The following TNIK variants were observed in gnomAD, a reference collection of about 807,000 sequenced individuals.
TNIK encodes the protein TRAF2 and NCK interacting kinase, also known as TRAF2 and NCK-interacting protein kinase.
A neutral mutation model predicts 191.3 loss-of-function variants in TNIK; 49 were observed. The ratio of observed to expected loss-of-function variants is 0.26; its 90% CI spans 0.20 to 0.32. TNIK has a LOEUF of 0.32. Ranked by LOEUF, TNIK falls within the 10% of genes least tolerant of loss-of-function variation. The pLI is 1.00. For missense variants in TNIK, 1,155 were observed against 1,702.3 expected, an observed-to-expected ratio of 0.68 and a Z score of 5.66; for synonymous variants, 594 against 600.9, an observed-to-expected ratio of 0.99 and a Z score of 0.17.
At chr3:171,459,522 G>C (rs1039737229) in intron 1 of TNIK, among the ~76,000 whole-genome samples, 2 of 152,216 alleles carry the variant, frequency 1.3e-5, no homozygotes, top group Non-Finnish European at 2.9e-5. Context: ...GGAGCGGCAG[G>C]TTCGGCTTCG....
At chr3:171,400,106 T>C (rs1223345296) in intron 1 of TNIK, among the ~76,000 whole-genome samples, 1 of 152,212 alleles carries the variant, frequency 6.6e-6, no homozygotes, top group African/African-American at 2.4e-5. Flanking sequence ...ACCCGGGACC[T>C]GATGGGTTTT....
At position 171,075,738 on chromosome 3, in the gene TNIK, A is replaced by AT. The variant is rs1293168608; in HGVS notation, c.3448+3779dup. ...GTTTTTTTTTTTTCCAAAAGCTGCT[A>AT]TTTTTTTTTTTTCTTTGAGATGGAG... On this transcript the variant is annotated intron_variant, in intron 28 of 32. Coordinates refer to ENST00000436636, the MANE Select transcript of TNIK (RefSeq NM_015028.4). 4.0e-3 allele frequency among the ~76,000 whole-genome samples: 545 copies of AT among 137,930 alleles called. 3 individuals carry two copies. Among genetic ancestry groups the AT allele is most frequent in the South Asian group, 0.015 (65 of 4,314 alleles). 90.5% of individuals were successfully genotyped at this position (137,930 alleles called of 152,430 possible).
At chr3:171,168,052 A>AG (rs1734820593) in intron 9 of TNIK, among the ~76,000 whole-genome samples, 1 of 152,202 alleles carries the variant, frequency 6.6e-6, no homozygotes, top group East Asian at 1.9e-4. Flanking sequence ...GATAAACCCC[A>AG]CGCCAGAGAC....
At position 171,079,624 on chromosome 3, in the gene TNIK, A is replaced by T; in HGVS notation, c.3342T>A (p.Tyr1114Ter). Residue 1114 changes from tyrosine (Y) to a stop codon, truncating the protein, a stop_gained, in exon 28 of 33, where the codon TAT becomes TAA. Coordinates refer to ENST00000436636, the MANE Select transcript of TNIK (RefSeq NM_015028.4). LOFTEE classifies it high-confidence loss of function. Reference sequence around the variant, plus strand: ...GTATTCTGTTTCTTAACCATGAAAGATAGTAAACTCGTAGCTTATTCTTCT... The same window carrying T: ...GTATTCTGTTTCTTAACCATGAAAGTTAGTAAACTCGTAGCTTATTCTTCT... ...SGKKNKLRVYYLSWLRNRILH... is the reference protein window; with the variant it reads ...SGKKNKLRVY 1 of 1,612,710 alleles carries T rather than the reference A, an allele frequency of 6.2e-7. No individual in the cohort carries two copies. The highest frequency in any genetic ancestry group is 8.5e-7 in the Non-Finnish European group (1 of 1,179,304).
chr3:171,223,646 G>A (rs971779493), intron 3 of TNIK, among the ~76,000 whole-genome samples: 1 of 152,022 alleles, frequency 6.6e-6, no homozygotes, highest in Non-Finnish European at 1.5e-5. Flanking sequence ...CCTAAAATGG[G>A]GCTAATCATG....
At chr3:171,120,918 T>C (rs1727648879) in intron 18 of TNIK, among the ~76,000 whole-genome samples, 1 of 152,180 alleles carries the variant, frequency 6.6e-6, no homozygotes, top group East Asian at 1.9e-4. Context: ...TTACGACCCC[T>C]GCGCCCTGGA....
At chr3:171,403,198 C>G (rs55661901) in intron 1 of TNIK, among the ~76,000 whole-genome samples, 1,991 of 152,294 alleles carry the variant, frequency 0.013, 47 homozygotes, top group African/African-American at 0.045. Context: ...CAAGATGAAA[C>G]AGATGAATAG....
intron 9 of TNIK, among the ~76,000 whole-genome samples, 199 bp from the exon 10 acceptor site, chr3:171,167,469 T>G (rs1429673856): frequency 1.3e-5 from 2 of 152,130 alleles, no homozygotes; most frequent in East Asian, 3.9e-4. Context: ...CAACGTGCAA[T>G]TGAGGTAGCA....
chr3:171,156,223 G>A (rs1308821226), intron 12 of TNIK, among the ~76,000 whole-genome samples: 1 of 152,162 alleles, frequency 6.6e-6, no homozygotes, highest in Non-Finnish European at 1.5e-5. Context: ...TGTAACCATT[G>A]GGTATTATTG....
intron 16 of TNIK, among the ~76,000 whole-genome samples, chr3:171,128,059 C>T (rs1421055299): frequency 3.9e-5 from 6 of 152,114 alleles, no homozygotes; most frequent in African/African-American, 1.4e-4. Flanking sequence ...AATCTTTTTT[C>T]TTTACCCTAT....
chr3:171,247,741 A>C (rs574183208), intron 2 of TNIK, among the ~76,000 whole-genome samples: 1 of 152,352 alleles, frequency 6.6e-6, no homozygotes, highest in East Asian at 1.9e-4. Flanking sequence ...GATGAGTTTC[A>C]AAAAGGAGGG....
At chr3:171,112,616 A>C (rs1035616850) in intron 18 of TNIK, among the ~76,000 whole-genome samples, 2 of 152,228 alleles carry the variant, frequency 1.3e-5, no homozygotes. Context: ...AACTCACAGA[A>C]ACAATAGAAT....
At chr3:171,065,615 G>A (rs1239769202) in intron 32 of TNIK, among the ~76,000 whole-genome samples, 1 of 152,120 alleles carries the variant, frequency 6.6e-6, no homozygotes, top group Non-Finnish European at 1.5e-5. Context: ...CATGCCAGAC[G>A]GACACAGCCA....
chr3:171,328,170 A>G (rs1756021155), intron 2 of TNIK, among the ~76,000 whole-genome samples: 1 of 152,044 alleles, frequency 6.6e-6, no homozygotes, highest in African/African-American at 2.4e-5. Context: ...GTGCACTTAT[A>G]AAATAGGTCC....
intron 2 of TNIK, among the ~76,000 whole-genome samples, chr3:171,292,077 C>G (rs752250888): frequency 6.6e-6 from 1 of 152,006 alleles, no homozygotes. Context: ...CCCTTTTGTC[C>G]CTTTTTATAT....
At chr3:171,360,813 C>T (rs1359040162) in intron 2 of TNIK, among the ~76,000 whole-genome samples, 1 of 152,218 alleles carries the variant, frequency 6.6e-6, no homozygotes, top group Non-Finnish European at 1.5e-5. Flanking sequence ...CCTGGTCTTC[C>T]CACAGCCCCC....
chr3:171,084,844 A>G (rs1721135786), intron 25 of TNIK, among the ~76,000 whole-genome samples: 1 of 152,156 alleles, frequency 6.6e-6, no homozygotes, highest in Admixed American at 6.5e-5. Context: ...ACATTTAGTT[A>G]TGTTCAGAGA....
chr3:171,332,985 G>T (rs1756554574), intron 2 of TNIK, among the ~76,000 whole-genome samples: 1 of 152,124 alleles, frequency 6.6e-6, no homozygotes, highest in South Asian at 2.1e-4. Context: ...AGAAATCTGT[G>T]ATATACAGTG....
chr3:171,058,613 T>C lies in TNIK; in HGVS notation c.*5268A>G, dbSNP rs957299672. On this transcript the variant is annotated 3_prime_UTR_variant, in exon 33 of 33. Coordinates refer to ENST00000436636, the MANE Select transcript of TNIK (RefSeq NM_015028.4). The stretch of plus-strand genomic sequence containing the variant: ...ACCAAAAGTTTCAGACTGGAAAATA[T>C]GCCAGGAAGATTTTCTTCTCTCATT... 3.3e-5 allele frequency among the ~76,000 whole-genome samples: 5 copies of C among 152,178 alleles called. No individual in the cohort carries two copies. The highest frequency in any genetic ancestry group is 1.2e-4 in the African/African-American group (5 of 41,432).
Sources: gnomAD v4.1 joint callset for allele counts (sites outside exome capture counted in the v4.1 genomes callset) on GRCh38, gnomAD v4.1.1 for gene constraint, MANE v1.5 for transcripts, NCBI Gene and HGNC (gene_info 2026-07-23, HGNC 2026-07-21) for gene names.